Variants in MICAL2 observed in about 807,000 individuals in gnomAD.
MICAL2 encodes microtubule associated monooxygenase, calponin and LIM domain containing 2.
A neutral mutation model predicts 127.3 loss-of-function variants in MICAL2; 77 were observed. The ratio of observed to expected loss-of-function variants is 0.60; its 90% confidence interval spans 0.50 to 0.73. The LOEUF is 0.73. Ranked by LOEUF, MICAL2 falls within the 30% of genes least tolerant of loss-of-function variation. MICAL2 has a pLI of 0.00. For synonymous variants in MICAL2, 570 were observed against 551.1 expected, an observed-to-expected ratio of 1.03 and a Z score of -0.48; for missense variants, 1,351 against 1,434.4, an observed-to-expected ratio of 0.94 and a Z score of 0.94.
intron 10 of MICAL2, among the ~76,000 whole-genome samples, chr11:12,222,312 C>T (rs1489093389): frequency 1.3e-5 from 2 of 152,178 alleles, no homozygotes; most frequent in African/African-American, 4.8e-5. Context: ...CAGGAGGCAG[C>T]GTGGCTGAAC....
intron 3 of MICAL2, among the ~76,000 whole-genome samples, chr11:12,167,371 C>G (rs950972252): frequency 2.0e-5 from 3 of 152,090 alleles, no homozygotes; most frequent in Non-Finnish European, 2.9e-5. Flanking sequence ...CTGTGTGTAG[C>G]CCAGGCCCCG....
At chr11:12,319,916 G>A in intron 30 of MICAL2, 1 of 791,842 alleles carries the variant, frequency 1.3e-6, no homozygotes, top group Non-Finnish European at 2.2e-6. Context: ...TTCCTTAGGA[G>A]GATCATGTTT....
At chr11:12,228,839 C>T (rs1214525470) in intron 15 of MICAL2, among the ~76,000 whole-genome samples, 1 of 152,020 alleles carries the variant, frequency 6.6e-6, no homozygotes, top group Admixed American at 6.6e-5. Context: ...GTGGGGAGTT[C>T]CTGGGGTGGT....
intron 3 of MICAL2, among the ~76,000 whole-genome samples, chr11:12,188,790 A>C (rs1266341540): frequency 6.6e-6 from 1 of 152,154 alleles, no homozygotes; most frequent in African/African-American, 2.4e-5. Context: ...ACTTTATAGG[A>C]TCCTTGTTAG....
chr11:12,296,167 GTTC>G (rs1378936164), downstream of MICAL2, among the ~76,000 whole-genome samples: 1 of 151,980 alleles, frequency 6.6e-6, no homozygotes, highest in Admixed American at 6.6e-5. Flanking sequence ...ATTCACATGA[GTTC>G]TTTTTTGTCG....
intron 16 of MICAL2, among the ~76,000 whole-genome samples, chr11:12,236,976 A>T (rs937736310): frequency 2.0e-5 from 3 of 152,236 alleles, no homozygotes; most frequent in African/African-American, 7.2e-5. Context: ...CGGTCTGTAT[A>T]ATACATTGAT....
intron 3 of MICAL2, chr11:12,197,588 G>A (rs1860101485): frequency 6.6e-6 from 1 of 152,292 alleles, no homozygotes; most frequent in Non-Finnish European, 1.5e-5. Flanking sequence ...CAGGGGTACA[G>A]GGGTGGCCCT....
rs1433642051 is a variant in MICAL2, at chr11:12,270,431, T to G, written c.3335-5555T>G. On this transcript the variant is annotated intron_variant, in intron 24 of 34. Coordinates refer to the MICAL2 transcript ENST00000646065. ...GGCAGGATCCAAGGGGAAGCCAGGG[T>G]GTCCCTCCCAGCTCCCTGCCTTGCA... Among the ~76,000 whole-genome samples the G allele has an allele frequency of 2.6e-5, 4 of 152,280 alleles. No individual in the cohort carries two copies. The East Asian group carries it at 5.8e-4, about 22-fold the overall frequency.
intron 22 of MICAL2, among the ~76,000 whole-genome samples, chr11:12,249,698 C>T (rs1411636307): frequency 6.6e-6 from 1 of 152,226 alleles, no homozygotes; most frequent in Non-Finnish European, 1.5e-5. Flanking sequence ...CTCACTGCTG[C>T]CTTACCCACG....
rs145801926 is a variant in MICAL2, at chr11:12,261,028, G to A, written c.3334+1131G>A. On this transcript the variant is annotated intron_variant, in intron 26 of 27. Coordinates refer to ENST00000683283, the MANE Select transcript of MICAL2 (RefSeq NM_001282663.2). ...CATTTTAGCCCCTGTGGCTCCCAGC[G>A]GATCCCCCAGCCCGGGCTGCAGGCT... 921 of 985,532 alleles carry A rather than the reference G, an allele frequency of 9.3e-4. 8 individuals are homozygous for A. Among genetic ancestry groups the A allele is most frequent in the African/African-American group, 8.2e-3 (471 of 57,370 alleles). 61.0% of individuals were successfully genotyped at this position (985,532 alleles called of 1,614,324 possible). A position where few individuals can be genotyped will look rare whatever the true frequency, so the allele number is the denominator to read the frequency against.
Position 12,287,183 on chromosome 11 carries a change from G to A in MICAL2, c.353G>A (p.Trp118Ter), listed in dbSNP as rs1042140321. ...TGGTGGAGTGAGTCACTAGCTCTCTGGGGGTGGGAGGCTGGGGCTGGGCAG... is the reference window on the plus strand; with the variant it reads ...TGGTGGAGTGAGTCACTAGCTCTCTAGGGGTGGGAGGCTGGGGCTGGGCAG... Residue 118 changes from tryptophan to a stop codon, truncating the protein, a stop_gained, in exon 3 of 3, where the codon TGG becomes TAG. Transcript: ENST00000529028. LOFTEE classifies it low-confidence loss of function (END_TRUNC). The A allele has an allele frequency of 6.0e-5, 24 of 398,754 alleles. No homozygotes were observed. Among genetic ancestry groups the A allele is most frequent in the Non-Finnish European group, 9.7e-5 (22 of 226,064 alleles). 24.7% of individuals were successfully genotyped at this position (398,754 alleles called of 1,614,324 possible).
At chr11:12,219,331 C>T (rs1856545302) in intron 8 of MICAL2, among the ~76,000 whole-genome samples, 1 of 152,058 alleles carries the variant, frequency 6.6e-6, no homozygotes, top group African/African-American at 2.4e-5. Context: ...GCTAGTGTCC[C>T]TCCAGGATGG....
intron 24 of MICAL2, among the ~76,000 whole-genome samples, chr11:12,269,186 T>C (rs1418319902): frequency 6.6e-6 from 1 of 152,082 alleles, no homozygotes; most frequent in Non-Finnish European, 1.5e-5. Context: ...TCTGGCCAGG[T>C]TCTGAACAGG....
intron 6 of MICAL2, 124 bp downstream of exon 6, chr11:12,209,722 G>A: frequency 1.2e-6 from 1 of 836,262 alleles, no homozygotes; most frequent in Non-Finnish European, 2.0e-6. Flanking sequence ...TTGATAGGAG[G>A]GCAGACCATC....
In MICAL2 at chr11:12,114,218, T is replaced by A. The variant is rs141165992; in HGVS notation, c.-149+3492T>A. On this transcript the variant is annotated intron_variant, in intron 1 of 27. Transcript: ENST00000683283. ...CTGAAAGGAATATTTATTCCTGAGATATTTTAAAGCAAATGTCTAATGTCA... is the reference window on the plus strand; with the variant it reads ...CTGAAAGGAATATTTATTCCTGAGAAATTTTAAAGCAAATGTCTAATGTCA... 1.8e-4 allele frequency among the ~76,000 whole-genome samples: 27 copies of A among 152,380 alleles called. No individual in the cohort carries two copies. In the East Asian group the frequency reaches 4.8e-3, roughly 27 times the overall value.
intron 2 of MICAL2, among the ~76,000 whole-genome samples, chr11:12,154,197 T>G (rs568483067): frequency 6.6e-6 from 1 of 152,280 alleles, no homozygotes; most frequent in South Asian, 2.1e-4. Flanking sequence ...CTGTTAACAT[T>G]TAAGCTAATT....
chr11:12,276,166 G>A, exon 1 of MICAL2: 1 of 399,296 alleles, frequency 2.5e-6, no homozygotes, highest in Non-Finnish European at 4.4e-6. Flanking sequence ...GAAGACAGCA[G>A]GTATGCTCAG....
At chr11:12,236,808 T>C (rs1859130654) in intron 16 of MICAL2, among the ~76,000 whole-genome samples, 3 of 151,668 alleles carry the variant, frequency 2.0e-5, no homozygotes, top group Non-Finnish European at 4.4e-5. Flanking sequence ...CAGTTCTTGC[T>C]TCCCTGGGCA....
At chr11:12,245,311 CAGA>C (rs1382326975) in intron 21 of MICAL2, among the ~76,000 whole-genome samples, 1 of 152,168 alleles carries the variant, frequency 6.6e-6, no homozygotes, top group Non-Finnish European at 1.5e-5. Context: ...GTGCCGCTGC[CAGA>C]AGGAGTGCTG....
Sources: gnomAD v4.1 joint callset for allele counts (sites outside exome capture counted in the v4.1 genomes callset) on GRCh38, gnomAD v4.1.1 for gene constraint, MANE v1.5 for transcripts, NCBI Gene and HGNC (gene_info 2026-07-23, HGNC 2026-07-21) for gene names.